Variants in COX8A observed in about 807,000 individuals in gnomAD.
COX8A encodes the protein cytochrome c oxidase subunit 8A, mitochondrial.
In COX8A, 6 loss-of-function variants were observed where a neutral mutation model predicts 4.4. The ratio of observed to expected loss-of-function variants is 1.36; its 90% CI spans 0.74 to 2.68. The LOEUF (loss-of-function observed/expected upper bound fraction) is 2.68, where lower values mean the gene tolerates loss of function less well. COX8A is among the 30% of genes most tolerant of loss of function. The pLI is 0.00. For missense variants in COX8A, 72 were observed against 89.6 expected (o/e 0.80, Z 0.79); for synonymous variants, 53 against 47.1 (o/e 1.12, Z -0.51).
chr11:63,976,017 C>T (rs1284606638), intron 1 of COX8A, among the ~76,000 whole-genome samples: 2 of 152,184 alleles, frequency 1.3e-5, no homozygotes, highest in Admixed American at 6.5e-5. Context: ...ATAACTGACC[C>T]TTTACCTCAA....
chr11:63,975,392 T>C (rs1942531513), intron 1 of COX8A, among the ~76,000 whole-genome samples: 1 of 151,904 alleles, frequency 6.6e-6, no homozygotes, highest in African/African-American at 2.4e-5. Flanking sequence ...TTGGCCAGGA[T>C]GGTCTCGATC....
Position 63,974,814 on chromosome 11 carries a change from G to C in COX8A, c.114+20G>C. On this transcript the variant is annotated intron_variant, in intron 1 of 1. Coordinates refer to ENST00000314133, the MANE Select transcript of COX8A (RefSeq NM_004074.3). ...ATCATGGTGAGGAACGGGCCTGGAA[G>C]AGCGCGGGAGGCGCCGTGGGCTGAC... is the stretch of plus-strand genomic sequence containing the variant. The C allele has an allele frequency of 6.4e-7, 1 of 1,572,122 alleles. No homozygotes were observed. The highest frequency in any genetic ancestry group is 8.6e-7 in the Non-Finnish European group (1 of 1,158,444).
intron 1 of COX8A, among the ~76,000 whole-genome samples, chr11:63,976,008 T>C (rs1398401133): frequency 3.9e-5 from 6 of 152,202 alleles, no homozygotes; most frequent in East Asian, 1.9e-4. Context: ...CCCCTCCTTA[T>C]AACTGACCCT....
At chr11:63,975,313 G>A (rs557550627) in intron 1 of COX8A, among the ~76,000 whole-genome samples, 2 of 151,758 alleles carry the variant, frequency 1.3e-5, no homozygotes, top group Non-Finnish European at 2.9e-5. Flanking sequence ...CGAATAGCTG[G>A]GACTACAGGC....
Position 63,976,480 on chromosome 11 carries a change from T to A in COX8A, c.*160T>A. 1 of 648,756 alleles carries A rather than the reference T, an allele frequency of 1.5e-6. No individual in the cohort carries two copies. Among genetic ancestry groups the A allele is most frequent in the Non-Finnish European group, 2.7e-6 (1 of 371,298 alleles). The allele number at this position is 648,756 out of a possible 1,614,324, so 40.2% of individuals were successfully genotyped here. A position where few individuals can be genotyped will look rare whatever the true frequency, so the allele number is the denominator to read the frequency against. On this transcript the variant is annotated 3_prime_UTR_variant, in exon 2 of 2. Coordinates refer to ENST00000314133, the MANE Select transcript of COX8A (RefSeq NM_004074.3). ...TCTTGATGTCTCCATGGTGACCTCC[T>A]TGGGGGTCACTGACCCTGCTTGGTG...
chr11:63,976,275 G>A lies in COX8A; in HGVS notation c.165G>A (p.Ala55=), dbSNP rs765270324. 16 of 1,614,058 alleles carry A rather than the reference G, an allele frequency of 9.9e-6. No homozygotes were observed. The African/African-American group carries it at 1.5e-4, about 15-fold the overall frequency. Residue 55 remains alanine (A), a synonymous_variant, in exon 2 of 2, where the codon GCG becomes GCA. Coordinates refer to ENST00000314133, the MANE Select transcript of COX8A (RefSeq NM_004074.3). ...TSCFVTFLLP[A]GWILSHLETY... ...GCTTCGTGACCTTCCTCCTGCCAGC[G>A]GGCTGGATCCTGTCACACCTGGAGA...
intron 1 of COX8A, among the ~76,000 whole-genome samples, chr11:63,975,494 G>T (rs1192823274): frequency 6.6e-6 from 1 of 151,634 alleles, no homozygotes; most frequent in Non-Finnish European, 1.5e-5. Context: ...GGGTTTTCAG[G>T]CAAGGAAGGA....
chr11:63,974,642 C>G lies in COX8A; in HGVS notation c.-39C>G. 2 of 1,561,992 alleles carry G rather than the reference C, an allele frequency of 1.3e-6. No individual in the cohort carries two copies. Among genetic ancestry groups the G allele is most frequent in the Non-Finnish European group, 8.7e-7 (1 of 1,150,036 alleles). On this transcript the variant is annotated 5_prime_UTR_variant, in exon 1 of 2. Transcript: ENST00000314133. ...GCCATTTTGGCTTCCTGACCTTGGGCTACGGCTGACCGTTTTTTGTGGTGT... is the reference window on the plus strand; with the variant it reads ...GCCATTTTGGCTTCCTGACCTTGGGGTACGGCTGACCGTTTTTTGTGGTGT...
chr11:63,974,626 G>T lies in COX8A; in HGVS notation c.-55G>T. On this transcript the variant is annotated 5_prime_UTR_variant, in exon 1 of 2. Coordinates refer to ENST00000314133, the MANE Select transcript of COX8A (RefSeq NM_004074.3). ...ACTTCCGGCCAGCGCAGCCATTTTG[G>T]CTTCCTGACCTTGGGCTACGGCTGA... The T allele has an allele frequency of 6.5e-7, 1 of 1,528,594 alleles. No individual in the cohort carries two copies. Among genetic ancestry groups the T allele is most frequent in the Non-Finnish European group, 8.9e-7 (1 of 1,124,462 alleles). 94.7% of individuals were successfully genotyped at this position (1,528,594 alleles called of 1,614,324 possible). A position where few individuals can be genotyped will look rare whatever the true frequency, so the allele number is the denominator to read the frequency against.
chr11:63,974,830 G>A (rs1483886290), intron 1 of COX8A, 36 bp downstream of exon 1: 2 of 1,528,464 alleles, frequency 1.3e-6, no homozygotes, highest in African/African-American at 1.4e-5. Flanking sequence ...GGGAGGCGCC[G>A]TGGGCTGACC....
intron 1 of COX8A, among the ~76,000 whole-genome samples, chr11:63,975,142 G>A (rs1942528044): frequency 6.6e-6 from 1 of 152,140 alleles, no homozygotes; most frequent in Non-Finnish European, 1.5e-5. Context: ...TGTCAGCGAC[G>A]AAAATGGTTG....
chr11:63,975,468 C>T (rs1041051158), intron 1 of COX8A, among the ~76,000 whole-genome samples: 1 of 151,658 alleles, frequency 6.6e-6, no homozygotes, highest in Non-Finnish European at 1.5e-5. Flanking sequence ...TGAGCCACTG[C>T]GCCCGGCCTG....
chr11:63,974,842 C>T (rs1942525065), intron 1 of COX8A, 48 bp downstream of exon 1: 4 of 1,480,768 alleles, frequency 2.7e-6, no homozygotes, highest in Non-Finnish European at 3.6e-6. Context: ...GGGCTGACCC[C>T]TTCTGCCTAG....
intron 1 of COX8A, among the ~76,000 whole-genome samples, chr11:63,975,381 G>T (rs1387373079): frequency 2.0e-5 from 3 of 151,882 alleles, no homozygotes; most frequent in Non-Finnish European, 4.4e-5. Flanking sequence ...GTTTCACCAT[G>T]TTGGCCAGGA....
chr11:63,976,302 C>T lies in COX8A; in HGVS notation c.192C>T (p.Thr64=). Residue 64 remains threonine, a synonymous_variant, in exon 2 of 2, where the codon ACC becomes ACT. Coordinates refer to ENST00000314133, the MANE Select transcript of COX8A (RefSeq NM_004074.3). The stretch of plus-strand genomic sequence containing the variant: ...GCTGGATCCTGTCACACCTGGAGAC[C>T]TACAGGAGGCCAGAGTGAAGGGGTC... The part of the protein sequence containing the change: ...PAGWILSHLE[T]YRRPE 4 of 1,614,188 alleles carry T rather than the reference C, an allele frequency of 2.5e-6. No homozygotes were observed. The highest frequency in any genetic ancestry group is 3.4e-6 in the Non-Finnish European group (4 of 1,180,024).
chr11:63,975,161 A>ATTTAT (rs775801288), intron 1 of COX8A, among the ~76,000 whole-genome samples: 26 of 152,102 alleles, frequency 1.7e-4, no homozygotes, highest in South Asian at 1.0e-3. Context: ...TGTTACTGCT[A>ATTTAT]TTTATTTTAT....
At chr11:63,974,816 G>A (rs768033056) in intron 1 of COX8A, 22 bp downstream of exon 1, 1 of 1,563,464 alleles carries the variant, frequency 6.4e-7, no homozygotes, top group Non-Finnish European at 8.7e-7. Context: ...GCCTGGAAGA[G>A]CGCGGGAGGC....
At chr11:63,974,896 A>ACGCT in intron 1 of COX8A, 102 bp downstream of exon 1, 3 of 1,090,694 alleles carry the variant, frequency 2.8e-6, no homozygotes, top group Non-Finnish European at 3.9e-6. Context: ...CCCGCAGCGT[A>ACGCT]GCGGGGAGCA....
At chr11:63,975,824 C>G (rs1942535248) in intron 1 of COX8A, among the ~76,000 whole-genome samples, 1 of 152,160 alleles carries the variant, frequency 6.6e-6, no homozygotes. Context: ...TTGTGATCCG[C>G]CCGCCTTGGC....
Sources: allele counts gnomAD v4.1 joint callset (sites outside exome capture counted in the v4.1 genomes callset), GRCh38; gene constraint gnomAD v4.1.1; transcripts MANE v1.5; gene names NCBI Gene and HGNC (gene_info 2026-07-23, HGNC 2026-07-21).